RRAS2: variants seen among roughly 807,000 people sequenced by gnomAD.
RRAS2 encodes the protein RAS related 2.
A neutral mutation model predicts 27.6 loss-of-function variants in RRAS2; 7 were observed. The ratio of observed to expected loss-of-function variants is 0.25; its 90% CI spans 0.14 to 0.48. The LOEUF (loss-of-function observed/expected upper bound fraction) is 0.48, where lower values mean the gene tolerates loss of function less well. RRAS2 is among the 20% of genes least tolerant of loss of function. RRAS2 has a pLI of 0.99. For missense variants in RRAS2, 178 were observed against 256.2 expected (o/e 0.69, Z 2.08); for synonymous variants, 86 against 90.9 (o/e 0.95, Z 0.31).
intron 1 of RRAS2, among the ~76,000 whole-genome samples, chr11:14,302,976 A>G (rs1487880451): frequency 6.6e-6 from 1 of 152,232 alleles, no homozygotes; most frequent in African/African-American, 2.4e-5. Flanking sequence ...ATTGTTGTGA[A>G]AAGTTAAAAA....
At chr11:14,336,521 A>C (rs1424190125) in intron 1 of RRAS2, among the ~76,000 whole-genome samples, 1 of 152,206 alleles carries the variant, frequency 6.6e-6, no homozygotes, top group East Asian at 1.9e-4. Context: ...AAGAAATGAA[A>C]GTCTCAGTAA....
chr11:14,279,213 C>G lies in RRAS2; in HGVS notation c.*124G>C, dbSNP rs8570. On this transcript the variant is annotated 3_prime_UTR_variant, in exon 6 of 6. Coordinates refer to ENST00000256196, the MANE Select transcript of RRAS2 (RefSeq NM_012250.6). ...CACAGAAAGGACTAGCCAGCTTCTT[C>G]GTCTAAGGCTAACATGGTGATCATT... The G allele has an allele frequency of 0.29, 204,518 of 697,882 alleles. 32,979 individuals carry two copies. The highest frequency in any genetic ancestry group is 0.4 in the East Asian group (15,038 of 37,848). 43.2% of individuals were successfully genotyped at this position (697,882 alleles called of 1,614,324 possible).
At chr11:14,291,191 G>GA (rs1205716237) in intron 4 of RRAS2, among the ~76,000 whole-genome samples, 1 of 152,148 alleles carries the variant, frequency 6.6e-6, no homozygotes, top group African/African-American at 2.4e-5. Flanking sequence ...TGAGAGTGAG[G>GA]AAAGAGAAGA....
chr11:14,342,655 C>T (rs1554953422), intron 1 of RRAS2, among the ~76,000 whole-genome samples: 1 of 152,080 alleles, frequency 6.6e-6, no homozygotes, highest in East Asian at 1.9e-4. Context: ...TGATATTATA[C>T]CTTTTCATTT....
chr11:14,347,213 G>T (rs2134030910), intron 1 of RRAS2, among the ~76,000 whole-genome samples: 1 of 152,172 alleles, frequency 6.6e-6, no homozygotes, highest in Admixed American at 6.5e-5. Context: ...TGTTCATGAG[G>T]ATTGTTTGTA....
rs549492125 is a variant in RRAS2, at chr11:14,335,496, A to G, written c.108+23267T>C. ...AATTTGAATGAGGCATAAAAATATCAATCTATTTTTTGAGCTAGCAGAGAA... is the reference window on the plus strand; with the variant it reads ...AATTTGAATGAGGCATAAAAATATCGATCTATTTTTTGAGCTAGCAGAGAA... On this transcript the variant is annotated intron_variant, in intron 1 of 5. Coordinates refer to ENST00000256196, the MANE Select transcript of RRAS2 (RefSeq NM_012250.6). Among the ~76,000 whole-genome samples, 3 of 152,356 alleles carry G rather than the reference A, an allele frequency of 2.0e-5. No homozygotes were observed. The South Asian group carries it at 6.2e-4, about 32-fold the overall frequency.
chr11:14,316,418 TAC>T (rs1294630406), intron 1 of RRAS2, among the ~76,000 whole-genome samples: 5 of 152,180 alleles, frequency 3.3e-5, no homozygotes, highest in African/African-American at 1.2e-4. Context: ...CCCTCCTTTT[TAC>T]AGTTTTTACA....
chr11:14,289,259 C>T (rs995179292), intron 4 of RRAS2, among the ~76,000 whole-genome samples: 3 of 151,670 alleles, frequency 2.0e-5, no homozygotes, highest in Admixed American at 6.6e-5. Context: ...TTAATAGTAA[C>T]GATTAATAAT....
intron 1 of RRAS2, among the ~76,000 whole-genome samples, chr11:14,311,556 G>A (rs1554948866): frequency 1.3e-5 from 2 of 151,598 alleles, no homozygotes; most frequent in African/African-American, 4.9e-5. Context: ...CAGTAGAGAC[G>A]GGGTTTCACC....
chr11:14,348,950 T>C (rs1158237078), intron 1 of RRAS2, among the ~76,000 whole-genome samples: 1 of 152,152 alleles, frequency 6.6e-6, no homozygotes, highest in Non-Finnish European at 1.5e-5. Context: ...TCTATTTCTA[T>C]ATCTACATAC....
At chr11:14,324,728 T>C (rs1237059541) in intron 1 of RRAS2, among the ~76,000 whole-genome samples, 3 of 152,192 alleles carry the variant, frequency 2.0e-5, no homozygotes, top group East Asian at 1.9e-4. Flanking sequence ...GAATGAATTT[T>C]TGAATGAACA....
rs929221154 is a variant in RRAS2, at chr11:14,359,109, G to A, written c.-239C>T. 5.7e-6 allele frequency: 6 copies of A among 1,055,850 alleles called. No homozygotes were observed. The highest frequency in any genetic ancestry group is 5.1e-5 in the African/African-American group (3 of 59,002). 65.4% of individuals were successfully genotyped at this position (1,055,850 alleles called of 1,614,324 possible). ...GCACGGGCCAGGGGCGGCAGCGGCC[G>A]GGGGGCGCGCTCCTCTACGCGTCTC... On this transcript the variant is annotated 5_prime_UTR_variant, in exon 1 of 6. Transcript: ENST00000256196.
chr11:14,298,424 TTTGA>T lies in RRAS2; in HGVS notation c.109-2573_109-2570del, dbSNP rs1332644446. Among the ~76,000 whole-genome samples, 13 of 152,352 alleles carry T rather than the reference TTTGA, an allele frequency of 8.5e-5. No individual in the cohort carries two copies. The South Asian group carries it at 1.0e-3, about 12-fold the overall frequency. On this transcript the variant is annotated intron_variant, in intron 1 of 5. Coordinates refer to ENST00000256196, the MANE Select transcript of RRAS2 (RefSeq NM_012250.6). ...ATTAACATGCACAAAAGATTGTTGG[TTTGA>T]TTGTTATATAAAAGATTGTTGCAAC...
In RRAS2 at chr11:14,287,888, A is replaced by AAAG. The variant is rs1482338789; in HGVS notation, c.409-6171_409-6169dup. ...CTCTGTCTCAAAAAAAAAAAAAAAAAAAGAAGAAGAAAAAAACGAAATGTT... is the reference window on the plus strand; with the variant it reads ...CTCTGTCTCAAAAAAAAAAAAAAAAAAAGAAGAAGAAGAAAAAAACGAAATGTT... On this transcript the variant is annotated intron_variant, in intron 4 of 5. Transcript: ENST00000256196. Among the ~76,000 whole-genome samples the AAAG allele has an allele frequency of 5.1e-3, 721 of 140,386 alleles. 20 individuals are homozygous for AAAG. The highest frequency in any genetic ancestry group is 5.8e-3 in the Non-Finnish European group (378 of 65,138). The allele number at this position is 140,386 out of a possible 152,430, so 92.1% of individuals were successfully genotyped here.
At chr11:14,341,539 C>A (rs1358315073) in intron 1 of RRAS2, among the ~76,000 whole-genome samples, 1 of 151,950 alleles carries the variant, frequency 6.6e-6, no homozygotes, top group Non-Finnish European at 1.5e-5. Context: ...ATATGAATTT[C>A]TTACTGTAAT....
intron 1 of RRAS2, among the ~76,000 whole-genome samples, chr11:14,300,435 C>CA (rs1277602505): frequency 1.3e-5 from 2 of 152,062 alleles, no homozygotes; most frequent in East Asian, 1.9e-4. Context: ...GGCATGGTGG[C>CA]ACGCGCCTAT....
intron 1 of RRAS2, among the ~76,000 whole-genome samples, chr11:14,320,048 G>A (rs1018392217): frequency 1.3e-5 from 2 of 152,108 alleles, no homozygotes; most frequent in Non-Finnish European, 2.9e-5. Context: ...TATAAAGATG[G>A]GTTAAAGGTT....
At chr11:14,361,493 G>A (rs1295248663), upstream of RRAS2, among the ~76,000 whole-genome samples, 5 of 152,198 alleles carry the variant, frequency 3.3e-5, no homozygotes, top group African/African-American at 7.2e-5. Flanking sequence ...CGGGGCCACC[G>A]CACTCCAGCC....
At chr11:14,314,250 TTCTGA>T (rs1355727423) in intron 1 of RRAS2, among the ~76,000 whole-genome samples, 4 of 152,214 alleles carry the variant, frequency 2.6e-5, no homozygotes, top group Admixed American at 2.0e-4. Flanking sequence ...ATGATGGAAA[TTCTGA>T]TCTAATTTTA....
Sources: gnomAD v4.1 joint callset for allele counts (sites outside exome capture counted in the v4.1 genomes callset) on GRCh38, gnomAD v4.1.1 for gene constraint, MANE v1.5 for transcripts, NCBI Gene and HGNC (gene_info 2026-07-23, HGNC 2026-07-21) for gene names.